ANK3: variants seen among roughly 807,000 people sequenced by gnomAD.
The protein encoded by ANK3 is ankyrin-3.
Under a neutral mutation model 370.9 loss-of-function variants are expected in ANK3, and 57 were observed. The ratio of observed to expected loss-of-function variants is 0.15; its 90% CI spans 0.12 to 0.19. ANK3 has a LOEUF of 0.19. ANK3 is among the 10% of genes least tolerant of loss of function. The pLI, the probability that ANK3 is intolerant of heterozygous loss-of-function variation, is 1.00. For missense variants in ANK3, 4,439 were observed against 5,302.1 expected (o/e 0.84, Z 5.06); for synonymous variants, 1,929 against 1,946.3 (o/e 0.99, Z 0.23).
chr10:60,450,149 A>T (rs1030601966), intron 2 of ANK3, among the ~76,000 whole-genome samples: 2 of 152,074 alleles, frequency 1.3e-5, no homozygotes, highest in African/African-American at 4.8e-5. Flanking sequence ...ATAAAAAATT[A>T]GCTGGTCATG....
intron 28 of ANK3, among the ~76,000 whole-genome samples, chr10:60,099,745 A>T (rs1337619546): frequency 6.6e-6 from 1 of 152,104 alleles, no homozygotes; most frequent in Non-Finnish European, 1.5e-5. Flanking sequence ...GATCATAAAT[A>T]GTGTCTTAAA....
chr10:60,540,773 T>C (rs2076829171), intron 2 of ANK3, among the ~76,000 whole-genome samples: 1 of 151,922 alleles, frequency 6.6e-6, no homozygotes. Flanking sequence ...ACATAGCCAT[T>C]GGGTTTAGGC....
intron 30 of ANK3, 118 bp downstream of exon 30, chr10:60,086,559 A>AT (rs2086725766): frequency 1.2e-6 from 1 of 855,846 alleles, no homozygotes; most frequent in African/African-American, 1.7e-5. Context: ...TTGTTCTTTT[A>AT]TTTTCTCTTA....
At chr10:60,330,140 A>G (rs530743588) in intron 1 of ANK3, among the ~76,000 whole-genome samples, 86 of 152,226 alleles carry the variant, frequency 5.6e-4, no homozygotes, top group Non-Finnish European at 1.0e-3. Context: ...TTAACTCAAG[A>G]TGGATTAAAG....
At chr10:60,435,209 G>T (rs925226133) in intron 2 of ANK3, among the ~76,000 whole-genome samples, 4 of 152,012 alleles carry the variant, frequency 2.6e-5, no homozygotes, top group Admixed American at 2.6e-4. Flanking sequence ...GTTTTCCTTT[G>T]TTGGTCATTG....
At chr10:60,067,111 G>A (rs2081808174) in intron 38 of ANK3, among the ~76,000 whole-genome samples, 1 of 152,038 alleles carries the variant, frequency 6.6e-6, no homozygotes, top group Admixed American at 6.5e-5. Flanking sequence ...GTAGAGACAG[G>A]GTTTCACCAT....
intron 7 of ANK3, among the ~76,000 whole-genome samples, chr10:60,239,993 ATATG>A (rs1370001366): frequency 8.7e-5 from 12 of 138,652 alleles, no homozygotes; most frequent in African/African-American, 1.9e-4. Flanking sequence ...ATCCAAATAT[ATATG>A]TATGTGTGAA....
At chr10:60,164,221 G>T (rs145325851) in intron 23 of ANK3, among the ~76,000 whole-genome samples, 3 of 152,274 alleles carry the variant, frequency 2.0e-5, no homozygotes, top group African/African-American at 7.2e-5. Flanking sequence ...TAGAGCTCTT[G>T]TAAGCAAAAT....
chr10:60,492,039 T>A (rs570870843), intron 2 of ANK3, among the ~76,000 whole-genome samples: 18 of 152,172 alleles, frequency 1.2e-4, no homozygotes, highest in Non-Finnish European at 1.8e-4. Context: ...GATTTTCCAT[T>A]GCACTAATAC....
intron 1 of ANK3, among the ~76,000 whole-genome samples, chr10:60,693,460 C>T (rs1297708593): frequency 2.0e-5 from 3 of 152,326 alleles, no homozygotes; most frequent in African/African-American, 7.2e-5. Context: ...AACAGACAAA[C>T]AAAAAGACAG....
rs368699760 is a variant in ANK3, at chr10:60,279,134, A to T, written c.231T>A (p.Ala77=). The change falls in exon 3 of 44, where the codon GCT becomes GCA. Residue 77 remains alanine, a synonymous_variant. Coordinates refer to ENST00000280772, the MANE Select transcript of ANK3 (RefSeq NM_020987.5). ...GGCCTTCTTTGGAAGCAAGGTGGAG[A>T]GCGTTCAACCCATTCTGATTAAAAG... is the stretch of plus-strand genomic sequence containing the variant. ...INICNQNGLN[A]LHLASKEGHV... 5 of 1,613,664 alleles carry T rather than the reference A, an allele frequency of 3.1e-6. No homozygotes were observed. The African/African-American group carries it at 5.3e-5, about 17-fold the overall frequency.
At chr10:60,491,067 A>T (rs2075487539) in intron 2 of ANK3, among the ~76,000 whole-genome samples, 1 of 152,204 alleles carries the variant, frequency 6.6e-6, no homozygotes, top group African/African-American at 2.4e-5. Context: ...TTTGTTCAGT[A>T]TAATGCATTT....
intron 1 of ANK3, among the ~76,000 whole-genome samples, chr10:60,720,069 GGAA>G (rs1256928630): frequency 1.3e-5 from 2 of 152,152 alleles, no homozygotes; most frequent in African/African-American, 4.8e-5. Flanking sequence ...GAGAAGAGGA[GGAA>G]GTTTAAGCAA....
chr10:60,352,545 C>G (rs1011997966), intron 1 of ANK3, among the ~76,000 whole-genome samples: 8 of 152,062 alleles, frequency 5.3e-5, no homozygotes, highest in African/African-American at 1.9e-4. Context: ...GATACCAGAT[C>G]CAAGGAAACT....
In ANK3 at chr10:60,295,426, A is replaced by G. The variant is rs147718020; in HGVS notation, c.115-15787T>C. Among the ~76,000 whole-genome samples, 141 of 152,370 alleles carry G rather than the reference A, an allele frequency of 9.3e-4. 1 individual carries two copies. Among genetic ancestry groups the G allele is most frequent in the African/African-American group, 3.2e-3 (134 of 41,584 alleles). ...ATGGCATGGCACACAGTTGGTCCCC[A>G]ATTAACATTATCCTTTATTAATTAT... On this transcript the variant is annotated intron_variant, in intron 1 of 43. Coordinates refer to ENST00000280772, the MANE Select transcript of ANK3 (RefSeq NM_020987.5).
At chr10:60,355,785 T>C (rs1039261486) in intron 1 of ANK3, among the ~76,000 whole-genome samples, 5 of 152,214 alleles carry the variant, frequency 3.3e-5, no homozygotes, top group Non-Finnish European at 5.9e-5. Flanking sequence ...AGTCGTATTT[T>C]GCCACCTCAC....
At chr10:60,670,709 T>C (rs1339201945) in intron 1 of ANK3, among the ~76,000 whole-genome samples, 1 of 152,146 alleles carries the variant, frequency 6.6e-6, no homozygotes, top group Non-Finnish European at 1.5e-5. Flanking sequence ...TTCCACTAAG[T>C]AGCAGGGACA....
At chr10:60,648,095 T>G (rs1442127744) in intron 1 of ANK3, among the ~76,000 whole-genome samples, 2 of 151,562 alleles carry the variant, frequency 1.3e-5, no homozygotes, top group African/African-American at 4.8e-5. Flanking sequence ...TCCACCCACC[T>G]CAGCCTCCCA....
chr10:60,081,321 G>C (rs2085171877), intron 35 of ANK3, among the ~76,000 whole-genome samples: 1 of 152,116 alleles, frequency 6.6e-6, no homozygotes. Context: ...CTGACCTCAG[G>C]TGATTCCCCC....
Sources: gnomAD v4.1 joint callset for allele counts (sites outside exome capture counted in the v4.1 genomes callset) on GRCh38, gnomAD v4.1.1 for gene constraint, MANE v1.5 for transcripts, NCBI Gene and HGNC (gene_info 2026-07-23, HGNC 2026-07-21) for gene names.